The following TPRG1 variants were observed in gnomAD, a reference collection of about 807,000 sequenced individuals.
The protein encoded by TPRG1 is tumor protein p63-regulated gene 1 protein.
TPRG1 carries 29 observed loss-of-function variants against 29.3 expected under a neutral mutation model. That is an observed-to-expected ratio of 0.99 (90% confidence interval 0.74 to 1.35). The LOEUF (loss-of-function observed/expected upper bound fraction) is 1.35. Ranked by LOEUF, TPRG1 falls within the 40% of genes most tolerant of loss-of-function variation. The pLI is 0.00. For synonymous variants in TPRG1, 130 were observed against 116.8 expected, an observed-to-expected ratio of 1.11 and a Z score of -0.73; for missense variants, 327 against 335.0, an observed-to-expected ratio of 0.98 and a Z score of 0.19.
intron 4 of TPRG1, among the ~76,000 whole-genome samples, chr3:189,300,855 G>A (rs1720714242): frequency 6.6e-6 from 1 of 152,142 alleles, no homozygotes; most frequent in South Asian, 2.1e-4. Context: ...CTCTTGACCG[G>A]AAATCCAGGT....
intron 1 of TPRG1, among the ~76,000 whole-genome samples, chr3:189,191,436 T>C (rs1731678362): frequency 1.3e-5 from 2 of 152,362 alleles, no homozygotes; most frequent in Admixed American, 1.3e-4. Flanking sequence ...GTTCTAGCTC[T>C]TTTGCCTTTT....
chr3:189,311,929 A>C (rs1216133342), intron 5 of TPRG1, among the ~76,000 whole-genome samples: 2 of 151,992 alleles, frequency 1.3e-5, no homozygotes, highest in African/African-American at 4.8e-5. Context: ...ACAGAGTGGG[A>C]GTTTGCATCA....
intron 4 of TPRG1, among the ~76,000 whole-genome samples, chr3:189,268,191 T>C (rs1560627160): frequency 6.6e-6 from 1 of 152,190 alleles, no homozygotes; most frequent in Non-Finnish European, 1.5e-5. Flanking sequence ...GATTTTGTCA[T>C]GTACACTCTT....
intron 3 of TPRG1, among the ~76,000 whole-genome samples, chr3:189,224,221 G>C (rs569517590): frequency 6.6e-6 from 1 of 152,198 alleles, no homozygotes; most frequent in Admixed American, 6.5e-5. Flanking sequence ...GGTGGCTTAC[G>C]CCTGTAATCC....
chr3:189,057,039 A>T, intron 4 of TPRG1, among the ~76,000 whole-genome samples: 1 of 152,198 alleles, frequency 6.6e-6, no homozygotes, highest in Non-Finnish European at 1.5e-5. Flanking sequence ...TTCCCCTTGA[A>T]GCATTGCTAA....
intron 4 of TPRG1, among the ~76,000 whole-genome samples, chr3:189,080,004 C>T (rs549262290): frequency 5.9e-5 from 9 of 152,114 alleles, no homozygotes; most frequent in South Asian, 2.1e-4. Flanking sequence ...GTTGGATGCA[C>T]GTTGTATAGC....
At chr3:189,112,087 T>C (rs1720597918) in intron 1 of TPRG1, among the ~76,000 whole-genome samples, 1 of 152,194 alleles carries the variant, frequency 6.6e-6, no homozygotes, top group South Asian at 2.1e-4. Context: ...ATTCTGTTGA[T>C]ATGATGAATT....
At chr3:189,152,282 C>T (rs1726035471) in intron 5 of TPRG1, among the ~76,000 whole-genome samples, 1 of 152,128 alleles carries the variant, frequency 6.6e-6, no homozygotes, top group Non-Finnish European at 1.5e-5. Context: ...TCCTTCAAGT[C>T]ACACCATCGT....
chr3:189,198,808 T>A (rs927948763), intron 1 of TPRG1, among the ~76,000 whole-genome samples: 2 of 152,152 alleles, frequency 1.3e-5, no homozygotes, highest in Non-Finnish European at 2.9e-5. Context: ...AGTCAAGAAC[T>A]CAAGTGCTCT....
intron 1 of TPRG1, among the ~76,000 whole-genome samples, chr3:189,185,906 T>A (rs1249170508): frequency 1.3e-5 from 2 of 152,230 alleles, no homozygotes; most frequent in African/African-American, 4.8e-5. Context: ...TGTAGATTTT[T>A]ATTTGTCATT....
intron 2 of TPRG1, among the ~76,000 whole-genome samples, chr3:189,209,120 G>C (rs1488298374): frequency 6.6e-6 from 1 of 152,200 alleles, no homozygotes. Context: ...ACTTTTAGAA[G>C]CTAGTGCTTT....
intron 1 of TPRG1, among the ~76,000 whole-genome samples, chr3:189,106,491 G>C (rs1719838076): frequency 6.6e-6 from 1 of 151,974 alleles, no homozygotes; most frequent in African/African-American, 2.4e-5. Flanking sequence ...AATTTTAATG[G>C]TATATTTAGT....
chr3:189,265,567 T>G (rs1713910387), intron 4 of TPRG1, among the ~76,000 whole-genome samples: 1 of 152,194 alleles, frequency 6.6e-6, no homozygotes, highest in Non-Finnish European at 1.5e-5. Flanking sequence ...GCCACACACC[T>G]ATCTGAAACA....
At chr3:189,211,329 C>T (rs1314777181) in intron 2 of TPRG1, among the ~76,000 whole-genome samples, 1 of 152,120 alleles carries the variant, frequency 6.6e-6, no homozygotes, top group Non-Finnish European at 1.5e-5. Flanking sequence ...CAGGATATTG[C>T]TCAATTTCTC....
intron 5 of TPRG1, among the ~76,000 whole-genome samples, chr3:189,162,827 A>G (rs1727660370): frequency 1.3e-5 from 2 of 152,236 alleles, no homozygotes; most frequent in East Asian, 1.9e-4. Context: ...TAAAATTTCA[A>G]TAACATATAA....
intron 1 of TPRG1, among the ~76,000 whole-genome samples, chr3:189,106,150 A>G (rs779561486): frequency 5.9e-5 from 9 of 152,180 alleles, no homozygotes; most frequent in African/African-American, 2.2e-4. Context: ...CGATATTCAC[A>G]ATTGTTTTGG....
At chr3:189,242,351 A>G (rs1740748152) in intron 4 of TPRG1, among the ~76,000 whole-genome samples, 1 of 148,838 alleles carries the variant, frequency 6.7e-6, no homozygotes, top group Non-Finnish European at 1.5e-5. Flanking sequence ...TTCCCCATTT[A>G]TTAATCGTTT....
At chr3:189,246,712 A>T (rs1422255387) in intron 4 of TPRG1, among the ~76,000 whole-genome samples, 1 of 152,046 alleles carries the variant, frequency 6.6e-6, no homozygotes, top group Non-Finnish European at 1.5e-5. Context: ...CTTTCTGAAA[A>T]TACTTTTATT....
chr3:189,169,328 C>G (rs1214348045), upstream of TPRG1, among the ~76,000 whole-genome samples: 5 of 152,106 alleles, frequency 3.3e-5, no homozygotes, highest in African/African-American at 9.7e-5. Flanking sequence ...CTGCGCCCGG[C>G]TAATTTTTGT....
Sources: gnomAD v4.1 joint callset for allele counts (sites outside exome capture counted in the v4.1 genomes callset) on GRCh38, gnomAD v4.1.1 for gene constraint, MANE v1.5 for transcripts, NCBI Gene and HGNC (gene_info 2026-07-23, HGNC 2026-07-21) for gene names.